AFG2B: variants seen among roughly 807,000 people sequenced by gnomAD.
AFG2B encodes the protein AAA ATPase AFG2B.
chr15:45,414,747 G>A, the AFG2B span: 5,213 of 1,614,062 alleles, frequency 3.2e-3, 45 homozygotes, highest in South Asian at 0.018. Flanking sequence ...TGTTTTCACC[G>A]TTTGTTGGAG....
chr15:45,416,974 C>T, the AFG2B span: 1 of 222,858 alleles, frequency 4.5e-6, no homozygotes, highest in South Asian at 8.9e-5. Context: ...CAGGTGCACT[C>T]AAGTCACCAG....
At chr15:45,415,614 C>G in the AFG2B span, 1 of 1,613,874 alleles carries the variant, frequency 6.2e-7, no homozygotes, top group Non-Finnish European at 8.5e-7. Context: ...AGCAAGCACT[C>G]CAGCAATTTT....
chr15:45,407,788 G>A, the AFG2B span, among the ~76,000 whole-genome samples: 1 of 151,902 alleles, frequency 6.6e-6, no homozygotes, highest in South Asian at 2.1e-4. Context: ...GATATAAGAG[G>A]GCAAATACTT....
At chr15:45,405,301 T>G in the AFG2B span, 11 of 1,602,002 alleles carry the variant, frequency 6.9e-6, no homozygotes, top group African/African-American at 1.5e-4. Context: ...TTCTTTTTTT[T>G]GTTTTGCTTT....
the AFG2B span, among the ~76,000 whole-genome samples, chr15:45,416,610 C>G: frequency 6.6e-6 from 1 of 152,230 alleles, no homozygotes; most frequent in African/African-American, 2.4e-5. Context: ...GGAATTCCTT[C>G]TATAGCATCT....
chr15:45,414,846 C>A, the AFG2B span: 13 of 1,399,174 alleles, frequency 9.3e-6, no homozygotes, highest in Non-Finnish European at 1.3e-5. Context: ...TATGGACAAA[C>A]CTTTTTAAAA....
the AFG2B span, chr15:45,403,381 G>C: frequency 1.2e-5 from 19 of 1,611,116 alleles, no homozygotes; most frequent in Non-Finnish European, 1.6e-5. Flanking sequence ...TCGAGCACCC[G>C]AGAGCCGCGT....
chr15:45,414,794 C>T, the AFG2B span: 1 of 1,600,152 alleles, frequency 6.2e-7, no homozygotes, highest in Admixed American at 1.7e-5. Context: ...TGTTTATTTC[C>T]CCATATGTTT....
the AFG2B span, chr15:45,418,593 A>G: frequency 1.2e-6 from 2 of 1,613,328 alleles, no homozygotes; most frequent in Non-Finnish European, 1.7e-6. Flanking sequence ...TACAAAAACC[A>G]TGCCAATAGG....
the AFG2B span, among the ~76,000 whole-genome samples, chr15:45,413,300 A>G: frequency 2.0e-5 from 3 of 152,136 alleles, no homozygotes; most frequent in African/African-American, 7.2e-5. Context: ...TTGACTCAGA[A>G]ATCTGTATAT....
chr15:45,403,398 C>T, the AFG2B span: 3 of 1,610,682 alleles, frequency 1.9e-6, no homozygotes, highest in East Asian at 2.2e-5. Flanking sequence ...GCGTAGTGGC[C>T]CAGGTGTTGA....
the AFG2B span, chr15:45,418,515 A>G: frequency 6.5e-7 from 1 of 1,539,164 alleles, no homozygotes; most frequent in Non-Finnish European, 8.8e-7. Context: ...GTCAAACATA[A>G]ATGTTATAAG....
the AFG2B span, chr15:45,407,078 C>G: frequency 7.8e-7 from 1 of 1,289,242 alleles, no homozygotes; most frequent in Non-Finnish European, 1.0e-6. Flanking sequence ...CAGTCAGCTG[C>G]TGTCGTCCCA....
the AFG2B span, among the ~76,000 whole-genome samples, chr15:45,404,951 T>C: frequency 2.1e-4 from 32 of 152,234 alleles, no homozygotes. Flanking sequence ...GATATTTTGG[T>C]ACATGCATAC....
At chr15:45,413,491 C>G in the AFG2B span, among the ~76,000 whole-genome samples, 2 of 152,306 alleles carry the variant, frequency 1.3e-5, no homozygotes, top group East Asian at 3.9e-4. Context: ...AATCTGTCTT[C>G]TAAAGGCATA....
the AFG2B span, chr15:45,418,654 G>T: frequency 1.1e-5 from 17 of 1,613,434 alleles, no homozygotes; most frequent in Non-Finnish European, 1.4e-5. Flanking sequence ...TTTTTTTCTG[G>T]AGCTGATCTT....
At chr15:45,407,763 A>G in the AFG2B span, among the ~76,000 whole-genome samples, 2 of 152,354 alleles carry the variant, frequency 1.3e-5, no homozygotes, top group African/African-American at 4.8e-5. Flanking sequence ...GTGGACAACT[A>G]GATGTTTAGA....
chr15:45,406,607 T>C, the AFG2B span, among the ~76,000 whole-genome samples: 1 of 152,234 alleles, frequency 6.6e-6, no homozygotes, highest in Non-Finnish European at 1.5e-5. Context: ...AAATCCAGTA[T>C]TTTGTATATA....
At chr15:45,404,511 CAT>C in the AFG2B span, among the ~76,000 whole-genome samples, 3 of 152,098 alleles carry the variant, frequency 2.0e-5, no homozygotes, top group Admixed American at 6.6e-5. Flanking sequence ...GGATAAAAAA[CAT>C]ATTATTATTT....
Sources: gnomAD v4.1 joint callset for allele counts (sites outside exome capture counted in the v4.1 genomes callset) on GRCh38, gnomAD v4.1.1 for gene constraint, MANE v1.5 for transcripts, NCBI Gene and HGNC (gene_info 2026-07-23, HGNC 2026-07-21) for gene names.